Variants in ZAP70 observed in about 807,000 individuals in gnomAD.
ZAP70 encodes the protein tyrosine-protein kinase ZAP-70.
Under a neutral mutation model 65.8 loss-of-function variants are expected in ZAP70, and 27 were observed. The observed-to-expected ratio is 0.41, with a 90% CI of 0.30 to 0.57. ZAP70 has a LOEUF of 0.57. ZAP70 is among the 20% of genes least tolerant of loss of function. The probability of loss-of-function intolerance (pLI) is 0.28; values close to 1 mark genes in which losing one functional copy is unlikely to be tolerated. For synonymous variants in ZAP70, 363 were observed against 360.8 expected (o/e 1.01, Z -0.07); for missense variants, 696 against 870.5 (o/e 0.80, Z 2.52).
intron 9 of ZAP70, 105 bp from the exon 10 acceptor site, chr2:97,735,145 T>G (rs1677808561): frequency 7.0e-7 from 1 of 1,420,618 alleles, no homozygotes; most frequent in Non-Finnish European, 9.7e-7. Flanking sequence ...ACTACAGTTG[T>G]CTACCACACA....
rs1371181422 is a variant in ZAP70 at position 97,736,717 on chromosome 2, A to C, written c.1290-756A>C. Among the ~76,000 whole-genome samples, 2 of 152,156 alleles carry C rather than the reference A, an allele frequency of 1.3e-5. No homozygotes were observed. Among genetic ancestry groups the C allele is most frequent in the Non-Finnish European group, 2.9e-5 (2 of 68,026 alleles). On this transcript the variant is annotated intron_variant, in intron 10 of 13. Transcript: ENST00000264972. The surrounding 1 kb of genome is among the most constrained non-coding windows in gnomAD (Gnocchi z 4.0). ...GCCCAGACGTGGGGAAGGGCATTCCAGGCAAAGGGCACCGCCTGTGCAGAG... is the reference window on the plus strand; with the variant it reads ...GCCCAGACGTGGGGAAGGGCATTCCCGGCAAAGGGCACCGCCTGTGCAGAG...
At chr2:97,734,385 G>C in intron 8 of ZAP70, 135 bp from the exon 9 acceptor site, 1 of 1,444,616 alleles carries the variant, frequency 6.9e-7, no homozygotes, top group South Asian at 1.5e-5. Context: ...GCAGGAACAC[G>C]CATGGGCACC....
In ZAP70 at chr2:97,737,935, G is replaced by A; in HGVS notation, c.1623+38G>A. On this transcript the variant is annotated intron_variant, in intron 12 of 13. Coordinates refer to ENST00000264972, the MANE Select transcript of ZAP70 (RefSeq NM_001079.4). The surrounding 1 kb of genome is among the most constrained non-coding windows in gnomAD (Gnocchi z 5.0). ...AGAGGCAGGTGGGCGGTGTGGTGGG[G>A]AGGGGGATGAGGAGGAGGACACTGG... 6.2e-7 allele frequency: 1 copy of A among 1,614,008 alleles called. No individual in the cohort carries two copies. Among genetic ancestry groups the A allele is most frequent in the East Asian group, 2.2e-5 (1 of 44,880 alleles).
intron 9 of ZAP70, 96 bp from the exon 10 acceptor site, chr2:97,735,154 C>T (rs1677809151): frequency 6.7e-7 from 1 of 1,482,702 alleles, no homozygotes; most frequent in African/African-American, 1.4e-5. Flanking sequence ...GTCTACCACA[C>T]AACTCAAGGG....
chr2:97,729,297 G>C (rs1424386551), intron 4 of ZAP70, among the ~76,000 whole-genome samples: 1 of 152,192 alleles, frequency 6.6e-6, no homozygotes, highest in East Asian at 1.9e-4. Context: ...TTTATTCAGG[G>C]TTTCACAGAT....
the ZAP70 span, among the ~76,000 whole-genome samples, chr2:97,755,782 A>C: frequency 5.5e-4 from 83 of 152,090 alleles, no homozygotes; most frequent in African/African-American, 1.9e-3. Context: ...TCTTCCTCTC[A>C]CCATACAACT....
the ZAP70 span, among the ~76,000 whole-genome samples, chr2:97,746,884 AAGAC>A: frequency 1.5e-3 from 228 of 152,374 alleles, 1 homozygote; most frequent in African/African-American, 5.1e-3. Flanking sequence ...CAACAATAAA[AAGAC>A]AGTCTAAGTA....
chr2:97,724,786 T>C, intron 3 of ZAP70: 2 of 1,504,400 alleles, frequency 1.3e-6, no homozygotes, highest in African/African-American at 1.4e-5. Flanking sequence ...GTAGGGTGGC[T>C]GTTGGGGAAG....
the ZAP70 span, among the ~76,000 whole-genome samples, chr2:97,752,727 C>G: frequency 9.8e-5 from 15 of 152,360 alleles, no homozygotes; most frequent in African/African-American, 3.1e-4. Flanking sequence ...GTTCCTAAAG[C>G]ATTCAAATTT....
chr2:97,747,825 T>G, the ZAP70 span, among the ~76,000 whole-genome samples: 3 of 127,394 alleles, frequency 2.4e-5, no homozygotes, highest in African/African-American at 9.2e-5. Context: ...GTTTTTTTTT[T>G]TTTTTTTTTT....
chr2:97,734,751 G>A (rs763489646), intron 9 of ZAP70, 39 bp downstream of exon 9: 22 of 1,608,630 alleles, frequency 1.4e-5, no homozygotes, highest in Admixed American at 1.0e-4. Context: ...ACCGCCGCCT[G>A]GGGCAGAGGG....
chr2:97,750,310 C>T, the ZAP70 span, among the ~76,000 whole-genome samples: 1 of 152,204 alleles, frequency 6.6e-6, no homozygotes, highest in Non-Finnish European at 1.5e-5. Flanking sequence ...GCTGGGGTGT[C>T]TCCTAAGAGG....
chr2:97,747,848 T>G, the ZAP70 span, among the ~76,000 whole-genome samples: 254 of 134,118 alleles, frequency 1.9e-3, 1 homozygote, highest in African/African-American at 7.0e-3. Context: ...TTTTTTTTTT[T>G]GCTATTGGTG....
intron 4 of ZAP70, 182 bp from the exon 5 acceptor site, chr2:97,732,701 A>G: frequency 1.2e-6 from 1 of 822,968 alleles, no homozygotes; most frequent in Non-Finnish European, 1.9e-6. Flanking sequence ...GCCCTCTGCC[A>G]CTTGGCCCAT....
rs1161038557 is a variant in ZAP70, at chr2:97,736,351, A to T, written c.1289+895A>T. Among the ~76,000 whole-genome samples the T allele has an allele frequency of 6.6e-6, 1 of 152,086 alleles. No individual in the cohort carries two copies. Among genetic ancestry groups the T allele is most frequent in the Non-Finnish European group, 1.5e-5 (1 of 68,006 alleles). On this transcript the variant is annotated intron_variant, in intron 10 of 13. Transcript: ENST00000264972. The surrounding 1 kb of genome is among the most constrained non-coding windows in gnomAD (Gnocchi z 4.0). ...ACACAAGTTCTGCACTCCCCAAGGC[A>T]CGTTTTTGCTGATCTGTGCCCTCTG...
At chr2:97,743,199 A>G (rs1318840698), downstream of ZAP70, among the ~76,000 whole-genome samples, 1 of 152,162 alleles carries the variant, frequency 6.6e-6, no homozygotes, top group Non-Finnish European at 1.5e-5. Context: ...CTAAAATCCC[A>G]TGTGGCCTTG....
chr2:97,744,592 G>A (rs1245876411), downstream of ZAP70, among the ~76,000 whole-genome samples: 1 of 152,168 alleles, frequency 6.6e-6, no homozygotes, highest in Non-Finnish European at 1.5e-5. Flanking sequence ...ATGGGGCCAG[G>A]GGAATGTGAT....
In ZAP70 at chr2:97,737,858, C is replaced by T; in HGVS notation, c.1584C>T (p.Thr528=). 6.2e-7 allele frequency: 1 copy of T among 1,614,150 alleles called. No homozygotes were observed. The highest frequency in any genetic ancestry group is 1.3e-5 in the African/African-American group (1 of 75,046). The change falls in exon 12 of 14, where the codon ACC becomes ACT. Residue 528 remains threonine, a synonymous_variant. Coordinates refer to ENST00000264972, the MANE Select transcript of ZAP70 (RefSeq NM_001079.4). The surrounding 1 kb of genome is among the most constrained non-coding windows in gnomAD (Gnocchi z 5.0). The part of the protein sequence containing the change: ...SRSDVWSYGV[T]MWEALSYGQK... The stretch of plus-strand genomic sequence containing the variant: ...GCGATGTCTGGAGCTATGGGGTCAC[C>T]ATGTGGGAGGCCTTGTCCTACGGCC...
chr2:97,747,081 G>A, the ZAP70 span, among the ~76,000 whole-genome samples: 6 of 152,232 alleles, frequency 3.9e-5, no homozygotes, highest in African/African-American at 1.4e-4. Flanking sequence ...TGGATGTGGA[G>A]AAGTCAGATC....
Sources: allele counts gnomAD v4.1 joint callset (sites outside exome capture counted in the v4.1 genomes callset), GRCh38; gene constraint gnomAD v4.1.1; non-coding constraint Gnocchi (gnomAD v3.1); transcripts MANE v1.5; gene names NCBI Gene and HGNC (gene_info 2026-07-23, HGNC 2026-07-21).